OSGIN1: variants seen among roughly 807,000 people sequenced by gnomAD.
OSGIN1 encodes the protein oxidative stress induced growth inhibitor 1, also known as oxidative stress-induced growth inhibitor 1.
Under a neutral mutation model 20.1 loss-of-function variants are expected in OSGIN1, and 19 were observed. The ratio of observed to expected loss-of-function variants is 0.95; its 90% confidence interval spans 0.66 to 1.39. OSGIN1 has a LOEUF of 1.39. Ranked by LOEUF, OSGIN1 falls within the 40% of genes most tolerant of loss-of-function variation. The pLI, the probability that OSGIN1 is intolerant of heterozygous loss-of-function variation, is 0.00. For synonymous variants in OSGIN1, 368 were observed against 297.8 expected, an observed-to-expected ratio of 1.24 and a Z score of -2.43; for missense variants, 820 against 653.0, an observed-to-expected ratio of 1.26 and a Z score of -2.79.
Position 83,957,632 on chromosome 16 carries a change from C to G in OSGIN1, c.-32-8C>G, listed in dbSNP as rs757212496. The stretch of plus-strand genomic sequence containing the variant: ...ATGGACTCTTCCTTCCCCTCTCCCC[C>G]ACTCCAGGTCCGCTGCCAGCCCCAA... On this transcript the variant is annotated splice_polypyrimidine_tract_variant and splice_region_variant and intron_variant, in intron 1 of 5. Coordinates refer to ENST00000393306, the MANE Select transcript of OSGIN1 (RefSeq NM_182981.3). 9 of 1,452,040 alleles carry G rather than the reference C, an allele frequency of 6.2e-6. No homozygotes were observed. The highest frequency in any genetic ancestry group is 1.7e-4 in the Middle Eastern group (1 of 5,788). The allele number at this position is 1,452,040 out of a possible 1,614,324, so 89.9% of individuals were successfully genotyped here.
At chr16:83,957,546 C>A in intron 1 of OSGIN1, 94 bp from the exon 2 acceptor site, 1 of 710,030 alleles carries the variant, frequency 1.4e-6, no homozygotes, top group East Asian at 3.0e-5. Flanking sequence ...CCCTGAGGGC[C>A]ACAGGAGGCC....
chr16:83,954,636 A>T, intron 1 of OSGIN1: 1 of 379,876 alleles, frequency 2.6e-6, no homozygotes, highest in Non-Finnish European at 3.6e-6. Context: ...ACGGGAAGTG[A>T]CTTCTCAGGT....
rs750315102 is a variant in OSGIN1 at position 83,965,581 on chromosome 16, G to A, written c.1008G>A (p.Glu336=). 1 of 1,613,002 alleles carries A rather than the reference G, an allele frequency of 6.2e-7. No individual in the cohort carries two copies. The highest frequency in any genetic ancestry group is 1.1e-5 in the South Asian group (1 of 91,084). The part of the protein sequence containing the change: ...FNQLPKMLYP[E]YHKVHQMMRE... ...AGCTGCCCAAGATGCTGTACCCCGA[G>A]TACCACAAGGTGCACCAGATGATGC... Residue 336 remains glutamate, a synonymous_variant, in exon 6 of 6, where the codon GAG becomes GAA. Transcript: ENST00000393306.
intron 5 of OSGIN1, among the ~76,000 whole-genome samples, chr16:83,963,307 T>C (rs751084808): frequency 2.1e-4 from 32 of 152,238 alleles, no homozygotes; most frequent in Non-Finnish European, 4.1e-4. Flanking sequence ...GCGTTTCATG[T>C]GGTGAAGTCA....
rs573850156 is a variant in OSGIN1, at chr16:83,956,018, C to T, written c.-32-1622C>T. Among the ~76,000 whole-genome samples the T allele has an allele frequency of 1.7e-3, 264 of 152,338 alleles. 1 individual carries two copies. The highest frequency in any genetic ancestry group is 2.7e-3 in the Non-Finnish European group (183 of 68,032). ...TCCCCGCTAGGCACATCCTCACCCTCGGAGCCTCCTTCTCCTCACCTGCAA... is the reference window on the plus strand; with the variant it reads ...TCCCCGCTAGGCACATCCTCACCCTTGGAGCCTCCTTCTCCTCACCTGCAA... On this transcript the variant is annotated intron_variant, in intron 1 of 5. Coordinates refer to ENST00000393306, the MANE Select transcript of OSGIN1 (RefSeq NM_182981.3).
rs568243765 is a variant in OSGIN1, at chr16:83,960,563, C to G, written c.205-6C>G. 1.2e-6 allele frequency: 2 copies of G among 1,612,152 alleles called. No homozygotes were observed. The highest frequency in any genetic ancestry group is 1.7e-5 in the Admixed American group (1 of 60,006). On this transcript the variant is annotated splice_region_variant and splice_polypyrimidine_tract_variant and intron_variant, in intron 3 of 5. Transcript: ENST00000393306. ...AGCAGCCCCTCTGACCTATGCCCCC[C>G]TCCAGGACCTGGACTACCTGTCCGA... is the stretch of plus-strand genomic sequence containing the variant.
intron 5 of OSGIN1, among the ~76,000 whole-genome samples, chr16:83,962,085 G>C (rs2084221780): frequency 6.6e-6 from 1 of 151,488 alleles, no homozygotes; most frequent in Non-Finnish European, 1.5e-5. Flanking sequence ...AAGGAAAACA[G>C]CTCACCCCAA....
intron 3 of OSGIN1, among the ~76,000 whole-genome samples, chr16:83,960,085 C>G (rs1379544345): frequency 1.3e-5 from 2 of 152,156 alleles, no homozygotes; most frequent in African/African-American, 2.4e-5. Context: ...ACCATTTGAT[C>G]TAGATCAGCA....
chr16:83,965,013 C>A (rs767675164), intron 5 of OSGIN1, 49 bp from the exon 6 acceptor site: 3 of 1,223,544 alleles, frequency 2.5e-6, no homozygotes, highest in Non-Finnish European at 3.5e-6. Flanking sequence ...ACCCAGCCCC[C>A]CAACCCCTAA....
intron 5 of OSGIN1, 129 bp from the exon 6 acceptor site, chr16:83,964,933 T>C (rs191545064): frequency 7.4e-4 from 499 of 675,348 alleles, no homozygotes; most frequent in Non-Finnish European, 1.2e-3. Flanking sequence ...TTGAATTACC[T>C]GGCCTAGTCC....
At chr16:83,954,459 G>T (rs1398627547) in intron 1 of OSGIN1, 1 of 152,178 alleles carries the variant, frequency 6.6e-6, no homozygotes, top group Non-Finnish European at 1.5e-5. Flanking sequence ...GACTTAAAAA[G>T]ATAACATTAA....
intron 1 of OSGIN1, chr16:83,954,161 T>C (rs936115361): frequency 6.6e-6 from 1 of 152,240 alleles, no homozygotes; most frequent in South Asian, 2.1e-4. Flanking sequence ...TTTCTTCCTC[T>C]GCACAATGGG....
At chr16:83,962,834 G>A (rs1320466924) in intron 5 of OSGIN1, among the ~76,000 whole-genome samples, 2 of 152,210 alleles carry the variant, frequency 1.3e-5, no homozygotes, top group African/African-American at 4.8e-5. Flanking sequence ...ATTTATCTCA[G>A]TGGGCAGAGG....
intron 4 of OSGIN1, 68 bp downstream of exon 4, chr16:83,960,828 G>A: frequency 6.5e-7 from 1 of 1,536,034 alleles, no homozygotes; most frequent in African/African-American, 1.4e-5. Context: ...TTGGGGCTGG[G>A]ACTCTGGCAT....
Position 83,960,636 on chromosome 16 carries a change from C to G in OSGIN1, c.272C>G (p.Ala91Gly). The stretch of plus-strand genomic sequence containing the variant: ...AGCCCCGTGGCCCTGCTCTTTGATG[C>G]CCTTCTACGCCCAGACACAGACTTT... ...SQSPVALLFD[A>G]LLRPDTDFGG... The change falls in exon 4 of 6, where the codon GCC (alanine) becomes GGC (glycine). Residue 91 changes from alanine (A) to glycine (G), a missense_variant. By Grantham distance (60) the Ala-to-Gly change is moderately conservative. Coordinates refer to ENST00000393306, the MANE Select transcript of OSGIN1 (RefSeq NM_182981.3). 1 of 1,613,578 alleles carries G rather than the reference C, an allele frequency of 6.2e-7. No homozygotes were observed. Among genetic ancestry groups the G allele is most frequent in the African/African-American group, 1.3e-5 (1 of 75,074 alleles).
chr16:83,955,698 T>A (rs1275512314), intron 1 of OSGIN1, among the ~76,000 whole-genome samples: 1 of 152,206 alleles, frequency 6.6e-6, no homozygotes, highest in Admixed American at 6.5e-5. Context: ...GTTGTTCTTG[T>A]AACTACTACT....
intron 1 of OSGIN1, among the ~76,000 whole-genome samples, chr16:83,955,975 G>C (rs1003020542): frequency 6.6e-6 from 1 of 152,122 alleles, no homozygotes; most frequent in African/African-American, 2.4e-5. Context: ...CCGACACAGG[G>C]GTCCCTGACA....
Position 83,965,440 on chromosome 16 carries a change from C to T in OSGIN1, c.867C>T (p.Leu289=), listed in dbSNP as rs958617430. 14 of 1,593,938 alleles carry T rather than the reference C, an allele frequency of 8.8e-6. No individual in the cohort carries two copies. The highest frequency in any genetic ancestry group is 1.7e-5 in the Admixed American group (1 of 59,498). The change falls in exon 6 of 6, where the codon CTC becomes CTT. Residue 289 remains leucine (L), a synonymous_variant. Transcript: ENST00000393306. The part of the protein sequence containing the change: ...GAVTPASDPV[L]IIGAGLSAAD... The stretch of plus-strand genomic sequence containing the variant: ...TGACCCCGGCCTCAGACCCTGTCCT[C>T]ATCATTGGCGCGGGGCTGTCAGCGG...
intron 2 of OSGIN1, among the ~76,000 whole-genome samples, chr16:83,958,502 A>G (rs1488193405): frequency 6.6e-6 from 1 of 152,176 alleles, no homozygotes; most frequent in African/African-American, 2.4e-5. Flanking sequence ...CGTCCGATTA[A>G]GCCACGTGAG....
Sources: gnomAD v4.1 joint callset for allele counts (sites outside exome capture counted in the v4.1 genomes callset) on GRCh38, gnomAD v4.1.1 for gene constraint, MANE v1.5 for transcripts, NCBI Gene and HGNC (gene_info 2026-07-23, HGNC 2026-07-21) for gene names.